The following ERN1 variants were observed in gnomAD, a reference collection of about 807,000 sequenced individuals.
The protein encoded by ERN1 is endoplasmic reticulum to nucleus signaling 1.
ERN1 carries 39 observed loss-of-function variants against 113.1 expected under a neutral mutation model. The observed-to-expected ratio is 0.34, with a 90% CI of 0.27 to 0.45. The LOEUF (loss-of-function observed/expected upper bound fraction) is 0.45. Among genes scored for constraint, ERN1 ranks in the 20% least tolerant of loss-of-function variants. ERN1 has a pLI of 1.00. For synonymous variants in ERN1, 507 were observed against 515.9 expected, an observed-to-expected ratio of 0.98 and a Z score of 0.23; for missense variants, 976 against 1,274.8, an observed-to-expected ratio of 0.77 and a Z score of 3.57.
At chr17:64,074,804 C>G (rs1394050706) in intron 5 of ERN1, among the ~76,000 whole-genome samples, 1 of 152,234 alleles carries the variant, frequency 6.6e-6, no homozygotes, top group Non-Finnish European at 1.5e-5. Context: ...GCAGGAAATA[C>G]TAAGAAAGCG....
chr17:64,068,754 G>A (rs1913318665), intron 6 of ERN1, among the ~76,000 whole-genome samples: 1 of 152,158 alleles, frequency 6.6e-6, no homozygotes, highest in Non-Finnish European at 1.5e-5. Flanking sequence ...AGTGCAGAGG[G>A]GGCACTGCTA....
rs1253025006 is a variant in ERN1, at chr17:64,054,426, T to G, written c.1777A>C (p.Asn593His). 1 of 1,564,342 alleles carries G rather than the reference T, an allele frequency of 6.4e-7. No individual in the cohort carries two copies. Among genetic ancestry groups the G allele is most frequent in the South Asian group, 1.2e-5 (1 of 85,140 alleles). Reference sequence around the variant, plus strand: ...ATCCTCTTCACGGCCACGTCGCGGTTGTCAAACATGCCCCTGCGGGATGAG... The same window carrying G: ...ATCCTCTTCACGGCCACGTCGCGGTGGTCAAACATGCCCCTGCGGGATGAG... ...GTIVYRGMFD[N>H]RDVAVKRILP... Residue 593 changes from asparagine (N) to histidine (H), a missense_variant, in exon 15 of 22, where the codon AAC (asparagine) becomes CAC (histidine). Physicochemically the swap from Asn to His is moderately conservative, Grantham distance 68. Around this residue, in one of 5 missense-constraint regions of ERN1, gnomAD observed 297 missense variants for 457.8 expected, o/e 0.65. Coordinates refer to ENST00000433197, the MANE Select transcript of ERN1 (RefSeq NM_001433.5). The surrounding 1 kb of genome is among the most constrained non-coding windows in gnomAD (Gnocchi z 4.9).
rs1912617372 is a variant in ERN1, at chr17:64,049,520, T to C, written c.2254-318A>G. 6.6e-6 allele frequency among the ~76,000 whole-genome samples: 1 copy of C among 152,172 alleles called. No homozygotes were observed. Among genetic ancestry groups the C allele is most frequent in the African/African-American group, 2.4e-5 (1 of 41,424 alleles). ...ATGCAAAAATGGTTGCTTACGACAGTGCTTGGCCCATCAAAAGCCCTCCTG... is the reference window on the plus strand; with the variant it reads ...ATGCAAAAATGGTTGCTTACGACAGCGCTTGGCCCATCAAAAGCCCTCCTG... On this transcript the variant is annotated intron_variant, in intron 17 of 21. Transcript: ENST00000433197. This position sits in a 1 kb window ranked among gnomAD's most constrained non-coding sequence, Gnocchi z 4.7.
intron 2 of ERN1, among the ~76,000 whole-genome samples, chr17:64,090,935 C>A (rs1035783189): frequency 2.6e-5 from 4 of 152,202 alleles, no homozygotes; most frequent in Non-Finnish European, 5.9e-5. Flanking sequence ...AGAACCAACA[C>A]ATTTCCAAGA....
intron 1 of ERN1, chr17:64,102,935 G>A: frequency 1.0e-6 from 1 of 985,302 alleles, no homozygotes; most frequent in South Asian, 4.7e-5. Flanking sequence ...TCCTGGCTTT[G>A]ATGGTGACTT....
At chr17:64,106,010 C>A (rs185410015) in intron 1 of ERN1, among the ~76,000 whole-genome samples, 1 of 151,446 alleles carries the variant, frequency 6.6e-6, no homozygotes, top group African/African-American at 2.4e-5. Context: ...AAAATACTTA[C>A]ATAATTTGAG....
At chr17:64,050,005 G>C (rs1912632486) in intron 17 of ERN1, among the ~76,000 whole-genome samples, 1 of 152,120 alleles carries the variant, frequency 6.6e-6, no homozygotes, top group Non-Finnish European at 1.5e-5. Context: ...GACACACCTT[G>C]AACAACACAG....
chr17:64,113,571 G>A (rs577982929), intron 1 of ERN1, among the ~76,000 whole-genome samples: 6 of 151,670 alleles, frequency 4.0e-5, no homozygotes, highest in South Asian at 2.1e-4. Flanking sequence ...GTGCAGTGGC[G>A]TGATCCCGGC....
Position 64,130,119 on chromosome 17 carries a change from A to G in ERN1, c.-90T>C, listed in dbSNP as rs1477064764. 4 of 1,190,136 alleles carry G rather than the reference A, an allele frequency of 3.4e-6. No homozygotes were observed. The highest frequency in any genetic ancestry group is 4.3e-6 in the Non-Finnish European group (4 of 932,450). 73.7% of individuals were successfully genotyped at this position (1,190,136 alleles called of 1,614,324 possible). ...GACAGCGAGGCGGTGACCGAGCCTC[A>G]GCGGACGCAGAACTGACTAGGCAGC... On this transcript the variant is annotated 5_prime_UTR_variant, in exon 1 of 22. Transcript: ENST00000433197. The surrounding 1 kb of genome is among the most constrained non-coding windows in gnomAD (Gnocchi z 4.0).
chr17:64,100,445 C>G (rs1393229692), intron 1 of ERN1, among the ~76,000 whole-genome samples: 1 of 152,150 alleles, frequency 6.6e-6, no homozygotes, highest in Non-Finnish European at 1.5e-5. Context: ...TGGGAGGCCA[C>G]ACAAGAAAGT....
intron 6 of ERN1, among the ~76,000 whole-genome samples, chr17:64,068,599 T>C (rs1009808187): frequency 7.2e-5 from 11 of 152,168 alleles, no homozygotes; most frequent in African/African-American, 1.7e-4. Flanking sequence ...CCTTATTACA[T>C]AGCAATGGAT....
intron 19 of ERN1, 146 bp downstream of exon 19, chr17:64,047,712 T>C: frequency 1.6e-6 from 1 of 629,080 alleles, no homozygotes; most frequent in Non-Finnish European, 2.5e-6. Context: ...CTTTTATATA[T>C]GAAGAAAACA....
Position 64,042,470 on chromosome 17 carries a change from G to C in ERN1, c.*1518C>G, listed in dbSNP as rs1410661295. The C allele has an allele frequency of 2.6e-5, 4 of 152,158 alleles. No individual in the cohort carries two copies. Among genetic ancestry groups the C allele is most frequent in the African/African-American group, 9.7e-5 (4 of 41,424 alleles). The allele number at this position is 152,158 out of a possible 1,614,324, so 9.4% of individuals were successfully genotyped here. A position where few individuals can be genotyped will look rare whatever the true frequency, so the allele number is the denominator to read the frequency against. ...CATGAAGAAACAGTGATTTCTCTGT[G>C]AGTAAAATTCAACAATCCCATTCTT... On this transcript the variant is annotated 3_prime_UTR_variant, in exon 22 of 22. Transcript: ENST00000433197.
rs781371469 is a variant in ERN1 at position 64,049,196 on chromosome 17, T to C, written c.2260A>G (p.Thr754Ala). The change falls in exon 18 of 22, where the codon ACG becomes GCG. Residue 754 changes from threonine (T) to alanine (A), a missense_variant. This residue lies in a region of ERN1 where 297 missense variants were observed against 457.8 expected (regional missense o/e 0.65). Coordinates refer to ENST00000433197, the MANE Select transcript of ERN1 (RefSeq NM_001433.5). This position sits in a 1 kb window ranked among gnomAD's most constrained non-coding sequence, Gnocchi z 4.7. ...SEDCKENPTY[T>A]VDIFSAGCVF... Reference sequence around the variant, plus strand: ...CAGCCTGCAGAAAAGATGTCCACCGTGTAGGTCTGAAAAGAGACATGAGGC... The same window carrying C: ...CAGCCTGCAGAAAAGATGTCCACCGCGTAGGTCTGAAAAGAGACATGAGGC... The C allele has an allele frequency of 4.4e-6, 7 of 1,585,962 alleles. No homozygotes were observed. The highest frequency in any genetic ancestry group is 8.6e-7 in the Non-Finnish European group (1 of 1,158,572).
Position 64,129,998 on chromosome 17 carries a change from G to C in ERN1, c.32C>G (p.Thr11Arg). MPARRLLLLL[T>R]LLLPGLGIFG... The stretch of plus-strand genomic sequence containing the variant: ...CACCCCGAGGCCGGGCAGCAGCAGC[G>C]TCAGCAGCAGCAGCAGCCGCCGGGC... The change falls in exon 1 of 22, where the codon ACG (threonine) becomes AGG (arginine). Residue 11 changes from threonine to arginine, a missense_variant. By Grantham distance (71) the Thr-to-Arg change is moderately conservative. Coordinates refer to ENST00000433197, the MANE Select transcript of ERN1 (RefSeq NM_001433.5). 6 of 1,448,090 alleles carry C rather than the reference G, an allele frequency of 4.1e-6. No homozygotes were observed. Among genetic ancestry groups the C allele is most frequent in the Non-Finnish European group, 5.4e-6 (6 of 1,106,024 alleles). 89.7% of individuals were successfully genotyped at this position (1,448,090 alleles called of 1,614,324 possible). A position where few individuals can be genotyped will look rare whatever the true frequency, so the allele number is the denominator to read the frequency against.
At chr17:64,105,994 A>G (rs2143471462) in intron 1 of ERN1, among the ~76,000 whole-genome samples, 1 of 152,126 alleles carries the variant, frequency 6.6e-6, no homozygotes, top group African/African-American at 2.4e-5. Context: ...CCATTCCTCC[A>G]AACTAAAAAT....
intron 16 of ERN1, 115 bp downstream of exon 16, chr17:64,053,157 G>T: frequency 1.1e-6 from 1 of 945,016 alleles, no homozygotes; most frequent in Non-Finnish European, 1.6e-6. Context: ...TGCTACTGGT[G>T]ATATAGCCAA....
intron 1 of ERN1, among the ~76,000 whole-genome samples, chr17:64,127,254 G>T (rs1409990500): frequency 6.6e-6 from 1 of 152,170 alleles, no homozygotes; most frequent in East Asian, 1.9e-4. Context: ...CAATGCAATA[G>T]TTACTACATC....
At chr17:64,096,729 G>C (rs985017447) in intron 2 of ERN1, among the ~76,000 whole-genome samples, 1 of 152,180 alleles carries the variant, frequency 6.6e-6, no homozygotes, top group African/African-American at 2.4e-5. Context: ...AGAGAAAACA[G>C]GTTAATTCTT....
Sources: allele counts gnomAD v4.1 joint callset (sites outside exome capture counted in the v4.1 genomes callset), GRCh38; gene constraint gnomAD v4.1.1; regional missense constraint gnomAD v4.1.1; non-coding constraint Gnocchi (gnomAD v3.1); transcripts MANE v1.5; gene names NCBI Gene and HGNC (gene_info 2026-07-23, HGNC 2026-07-21).